Variants in SLAIN2 observed in about 807,000 individuals in gnomAD.
The protein encoded by SLAIN2 is SLAIN motif-containing protein 2.
A neutral mutation model predicts 56.6 loss-of-function variants in SLAIN2; 31 were observed. The ratio of observed to expected loss-of-function variants is 0.55; its 90% CI spans 0.41 to 0.74. The LOEUF is 0.74. SLAIN2 is among the 30% of genes least tolerant of loss of function. The pLI, the probability that SLAIN2 is intolerant of heterozygous loss-of-function variation, is 0.00. For missense variants in SLAIN2, 777 were observed against 754.2 expected, an observed-to-expected ratio of 1.03 and a Z score of -0.35; for synonymous variants, 317 against 284.9, an observed-to-expected ratio of 1.11 and a Z score of -1.13.
intron 6 of SLAIN2, among the ~76,000 whole-genome samples, chr4:48,399,945 G>T (rs1417362005): frequency 6.6e-6 from 1 of 152,122 alleles, no homozygotes; most frequent in Non-Finnish European, 1.5e-5. Flanking sequence ...ATTCATCAGG[G>T]ATATTGGCCT....
At chr4:48,373,441 A>G (rs1715722854) in intron 2 of SLAIN2, among the ~76,000 whole-genome samples, 1 of 152,126 alleles carries the variant, frequency 6.6e-6, no homozygotes, top group South Asian at 2.1e-4. Context: ...TATGGTGTCT[A>G]GTATCACCTC....
chr4:48,396,712 T>C (rs904165611), intron 6 of SLAIN2, among the ~76,000 whole-genome samples: 8 of 152,124 alleles, frequency 5.3e-5, no homozygotes, highest in Admixed American at 4.6e-4. Context: ...AATCAATTCA[T>C]CCATCCTGGG....
intron 6 of SLAIN2, among the ~76,000 whole-genome samples, chr4:48,386,115 G>A (rs1323951636): frequency 8.1e-5 from 12 of 147,316 alleles, no homozygotes; most frequent in African/African-American, 3.0e-4. Context: ...AAAAAGCTAC[G>A]AAAAAACTAT....
At chr4:48,362,657 G>C (rs1298137841) in intron 1 of SLAIN2, among the ~76,000 whole-genome samples, 6 of 149,076 alleles carry the variant, frequency 4.0e-5, no homozygotes, top group Non-Finnish European at 1.5e-5. Context: ...CTGACCTTGT[G>C]ATCCGCCCAC....
At chr4:48,401,921 A>G (rs901651517) in intron 6 of SLAIN2, among the ~76,000 whole-genome samples, 4 of 152,056 alleles carry the variant, frequency 2.6e-5, no homozygotes, top group Non-Finnish European at 4.4e-5. Flanking sequence ...TTTCCTTTCC[A>G]TATTTAGTGC....
intron 2 of SLAIN2, among the ~76,000 whole-genome samples, chr4:48,374,815 G>C (rs1715761149): frequency 6.6e-6 from 1 of 152,192 alleles, no homozygotes; most frequent in Non-Finnish European, 1.5e-5. Flanking sequence ...TGGTGGACAA[G>C]AATATCAGTA....
At chr4:48,377,249 C>G (rs1484087010) in intron 2 of SLAIN2, among the ~76,000 whole-genome samples, 3 of 151,548 alleles carry the variant, frequency 2.0e-5, no homozygotes, top group Non-Finnish European at 4.4e-5. Flanking sequence ...GTGGCACGAT[C>G]TCTGCTCACT....
intron 6 of SLAIN2, among the ~76,000 whole-genome samples, chr4:48,419,109 C>CT (rs71191227): frequency 0.52 from 76,198 of 147,174 alleles, 20,444 homozygotes; most frequent in South Asian, 0.67. Context: ...TTCTGTTTTC[C>CT]TTTTTTTTTT....
intron 3 of SLAIN2, 30 bp from the exon 4 acceptor site, chr4:48,379,660 T>A: frequency 7.3e-7 from 1 of 1,373,034 alleles, no homozygotes; most frequent in Non-Finnish European, 9.5e-7. Context: ...TTTACCAGAG[T>A]TTGAATTTTT....
chr4:48,410,767 C>T (rs1049946604), intron 6 of SLAIN2, among the ~76,000 whole-genome samples: 1 of 152,138 alleles, frequency 6.6e-6, no homozygotes, highest in Admixed American at 6.6e-5. Context: ...ATCTGTGGAC[C>T]CCTGCATGCT....
At chr4:48,360,601 T>A (rs1054309957) in intron 1 of SLAIN2, among the ~76,000 whole-genome samples, 3 of 151,778 alleles carry the variant, frequency 2.0e-5, no homozygotes, top group Non-Finnish European at 2.9e-5. Context: ...CCAAAAAAAA[T>A]TAAAAAAAAC....
intron 1 of SLAIN2, among the ~76,000 whole-genome samples, chr4:48,351,439 A>C (rs1715006522): frequency 6.6e-6 from 1 of 152,138 alleles, no homozygotes; most frequent in African/African-American, 2.4e-5. Context: ...TGAGTGGGAG[A>C]TAATGAATCT....
intron 1 of SLAIN2, among the ~76,000 whole-genome samples, chr4:48,352,146 G>A (rs908973991): frequency 6.6e-6 from 1 of 152,138 alleles, no homozygotes; most frequent in Non-Finnish European, 1.5e-5. Context: ...GGAGAGGTTA[G>A]TGTGGCAATA....
intron 2 of SLAIN2, among the ~76,000 whole-genome samples, chr4:48,372,595 G>A (rs1032235304): frequency 6.6e-6 from 1 of 152,176 alleles, no homozygotes; most frequent in Non-Finnish European, 1.5e-5. Flanking sequence ...TAAAAGTAAA[G>A]CTGCTGCACC....
At chr4:48,401,063 A>G (rs1186194804) in intron 6 of SLAIN2, among the ~76,000 whole-genome samples, 1 of 152,214 alleles carries the variant, frequency 6.6e-6, no homozygotes, top group Non-Finnish European at 1.5e-5. Context: ...AGAGTCTTTC[A>G]GGAACAGGTT....
chr4:48,382,800 A>G lies in SLAIN2; in HGVS notation c.1095A>G (p.Arg365=), dbSNP rs1363345746. The G allele has an allele frequency of 6.2e-7, 1 of 1,613,606 alleles. No individual in the cohort carries two copies. The highest frequency in any genetic ancestry group is 1.1e-5 in the South Asian group (1 of 91,072). Residue 365 remains arginine (R), a synonymous_variant, in exon 5 of 8, where the codon CGA becomes CGG. Transcript: ENST00000264313. The part of the protein sequence containing the change: ...KQSPRNSPRS[R]SPARGIEYSR... ...CACCCAGAAATTCACCTCGTTCACG[A>G]TCTCCTGCTCGGGGAATAGAATATA...
In SLAIN2 at chr4:48,341,596, G is replaced by C; in HGVS notation, c.-144G>C. ...GCGGCGCTTTGGAACCCGAGGTGGG[G>C]GGACCCTGGCGGTGGGGCCTGGTCC... On this transcript the variant is annotated 5_prime_UTR_variant, in exon 1 of 8. Coordinates refer to ENST00000264313, the MANE Select transcript of SLAIN2 (RefSeq NM_020846.2). 7.9e-7 allele frequency: 1 copy of C among 1,267,868 alleles called. No individual in the cohort carries two copies. Among genetic ancestry groups the C allele is most frequent in the Non-Finnish European group, 1.0e-6 (1 of 973,186 alleles). 78.5% of individuals were successfully genotyped at this position (1,267,868 alleles called of 1,614,324 possible).
At chr4:48,412,086 A>G (rs1362961930) in intron 6 of SLAIN2, among the ~76,000 whole-genome samples, 2 of 152,136 alleles carry the variant, frequency 1.3e-5, no homozygotes, top group African/African-American at 4.8e-5. Context: ...TAATCTTGAC[A>G]TTGACATTTT....
chr4:48,353,833 G>T (rs1163160405), intron 1 of SLAIN2, among the ~76,000 whole-genome samples: 1 of 152,156 alleles, frequency 6.6e-6, no homozygotes, highest in Non-Finnish European at 1.5e-5. Context: ...ATGAGATGGG[G>T]CCTAGACTAG....
Sources: gnomAD v4.1 joint callset for allele counts (sites outside exome capture counted in the v4.1 genomes callset) on GRCh38, gnomAD v4.1.1 for gene constraint, MANE v1.5 for transcripts, NCBI Gene and HGNC (gene_info 2026-07-23, HGNC 2026-07-21) for gene names.